NME9: variants seen among roughly 807,000 people sequenced by gnomAD.
NME9 encodes the protein thioredoxin domain-containing protein 6.
In NME9, 48 loss-of-function variants were observed where a neutral mutation model predicts 44.4. The observed-to-expected ratio is 1.08, with a 90% CI of 0.86 to 1.37. The LOEUF (loss-of-function observed/expected upper bound fraction) is 1.37, where lower values mean the gene tolerates loss of function less well. NME9 is among the 40% of genes most tolerant of loss of function. The pLI, the probability that NME9 is intolerant of heterozygous loss-of-function variation, is 0.00. For synonymous variants in NME9, 139 were observed against 147.1 expected, an observed-to-expected ratio of 0.94 and a Z score of 0.40; for missense variants, 325 against 405.2, an observed-to-expected ratio of 0.80 and a Z score of 1.70.
In NME9 at chr3:138,272,928, A is replaced by G. The variant is rs763221067; in HGVS notation, c.746-10342T>C. The G allele has an allele frequency of 1.7e-5, 25 of 1,429,908 alleles. 1 individual carries two copies. In the South Asian group the frequency reaches 4.0e-4, roughly 23 times the overall value. 88.6% of individuals were successfully genotyped at this position (1,429,908 alleles called of 1,614,324 possible). ...ATTAAAATATAATTTAATAAAGTAA[A>G]TGTAGACATGATTCTTGCAACTTCT... On this transcript the variant is annotated intron_variant, in intron 8 of 8. Transcript: ENST00000317876.
chr3:138,263,923 A>G, intron 8 of NME9: 1 of 1,168,156 alleles, frequency 8.6e-7, no homozygotes, highest in East Asian at 2.3e-5. Context: ...AATGTTCCTC[A>G]AAAATCTGCT....
downstream of NME9, among the ~76,000 whole-genome samples, chr3:138,299,266 T>C (rs1417061424): frequency 2.0e-5 from 3 of 152,144 alleles, no homozygotes; most frequent in Non-Finnish European, 4.4e-5. Context: ...CCACCTTTTC[T>C]CTATCTCTGC....
chr3:138,305,770 C>G (rs1476154295), intron 8 of NME9, among the ~76,000 whole-genome samples: 1 of 152,232 alleles, frequency 6.6e-6, no homozygotes. Context: ...TATGGACTTT[C>G]CTTCTAATAA....
intron 2 of NME9, among the ~76,000 whole-genome samples, chr3:138,321,798 G>A (rs2053480506): frequency 6.6e-6 from 1 of 151,910 alleles, no homozygotes; most frequent in South Asian, 2.1e-4. Flanking sequence ...TGAAGATGGT[G>A]TGAAAAGGAC....
chr3:138,329,514 C>A lies in NME9; in HGVS notation c.-179G>T, dbSNP rs1401608879. ...CTGGCGGCAAATCAGCACACTGATA[C>A]AAAGTGAACACCCCGCGAGGAAGCG... On this transcript the variant is annotated 5_prime_UTR_variant, in exon 1 of 11. Transcript: ENST00000333911. 4.3e-6 allele frequency: 6 copies of A among 1,401,674 alleles called. No individual in the cohort carries two copies. The highest frequency in any genetic ancestry group is 1.5e-5 in the African/African-American group (1 of 67,942). The allele number at this position is 1,401,674 out of a possible 1,614,324, so 86.8% of individuals were successfully genotyped here. A position where few individuals can be genotyped will look rare whatever the true frequency, so the allele number is the denominator to read the frequency against.
rs747921351 is a variant in NME9 at position 138,281,298 on chromosome 3, C to CT, written c.746-18713dup. 1.8e-3 allele frequency among the ~76,000 whole-genome samples: 260 copies of CT among 142,272 alleles called. 1 individual carries two copies. Among genetic ancestry groups the CT allele is most frequent in the East Asian group, 4.7e-3 (23 of 4,910 alleles). The allele number at this position is 142,272 out of a possible 152,430, so 93.3% of individuals were successfully genotyped here. A position where few individuals can be genotyped will look rare whatever the true frequency, so the allele number is the denominator to read the frequency against. On this transcript the variant is annotated intron_variant, in intron 8 of 8. Coordinates refer to the NME9 transcript ENST00000317876. ...TTGGCCCAATAATTGATTTCTTTTT[C>CT]TTTTTTTTTTTTTGATAGAGAGTCT... is the stretch of plus-strand genomic sequence containing the variant.
At chr3:138,311,937 C>CA (rs2052731139) in intron 6 of NME9, among the ~76,000 whole-genome samples, 1 of 152,116 alleles carries the variant, frequency 6.6e-6, no homozygotes, top group African/African-American at 2.4e-5. Flanking sequence ...AATCAACATA[C>CA]AAAAACCCGT....
At chr3:138,282,655 A>AG (rs1415095554) in intron 8 of NME9, among the ~76,000 whole-genome samples, 3 of 150,940 alleles carry the variant, frequency 2.0e-5, no homozygotes, top group Non-Finnish European at 4.4e-5. Flanking sequence ...AAAAAAAAAA[A>AG]GGAACACTCA....
chr3:138,291,536 C>G (rs748287601), intron 8 of NME9, among the ~76,000 whole-genome samples: 33 of 152,098 alleles, frequency 2.2e-4, no homozygotes, highest in Non-Finnish European at 4.3e-4. Flanking sequence ...TCTTTGCCCT[C>G]GTGTAACTTA....
rs1577053485 is a variant in NME9, at chr3:138,290,402, A to T, written c.745+13105T>A. 5 of 627,292 alleles carry T rather than the reference A, an allele frequency of 8.0e-6. No homozygotes were observed. The East Asian group carries it at 1.4e-4, about 18-fold the overall frequency. 38.9% of individuals were successfully genotyped at this position (627,292 alleles called of 1,614,324 possible). ...GAGAGTCCAAGCATGAGCGGGTCCA[A>T]CTACATTGGGAGAGGGTAGAGGACA... On this transcript the variant is annotated intron_variant, in intron 8 of 8. Coordinates refer to the NME9 transcript ENST00000317876.
intron 8 of NME9, among the ~76,000 whole-genome samples, chr3:138,291,424 C>T (rs1421203036): frequency 1.3e-5 from 2 of 152,246 alleles, no homozygotes; most frequent in Non-Finnish European, 2.9e-5. Flanking sequence ...CTCCTCTCCT[C>T]TGAGTCCCCA....
intron 8 of NME9, among the ~76,000 whole-genome samples, chr3:138,271,790 TTTTC>T (rs1007886198): frequency 1.3e-4 from 19 of 149,934 alleles, no homozygotes; most frequent in South Asian, 2.1e-4. Flanking sequence ...AAGATTTTTT[TTTTC>T]TTTCTTTTTT....
chr3:138,264,476 G>C (rs1424227195), intron 8 of NME9, among the ~76,000 whole-genome samples: 1 of 123,422 alleles, frequency 8.1e-6, no homozygotes, highest in Non-Finnish European at 1.6e-5. Context: ...CTGGAGTGCA[G>C]TGGCATGATC....
chr3:138,304,253 C>T (rs1049477284), intron 9 of NME9, among the ~76,000 whole-genome samples: 2 of 152,208 alleles, frequency 1.3e-5, no homozygotes, highest in African/African-American at 4.8e-5. Flanking sequence ...TCCTGGTCCC[C>T]TACACCTACA....
chr3:138,275,827 G>A (rs967069550), intron 8 of NME9, among the ~76,000 whole-genome samples: 1 of 152,068 alleles, frequency 6.6e-6, no homozygotes, highest in Non-Finnish European at 1.5e-5. Context: ...GATATTTTAC[G>A]TGATATCTCT....
chr3:138,324,691 GATACACAC>G (rs2053666305), intron 2 of NME9, 174 bp downstream of exon 2: 5 of 583,408 alleles, frequency 8.6e-6, no homozygotes, highest in Non-Finnish European at 9.2e-6. Context: ...ATTCAAGCCA[GATACACAC>G]ACACACACAC....
intron 8 of NME9, among the ~76,000 whole-genome samples, chr3:138,275,120 T>C (rs2049152069): frequency 6.6e-6 from 1 of 152,204 alleles, no homozygotes. Flanking sequence ...GGATTTATCA[T>C]GGGAGTTTTA....
At position 138,307,320 on chromosome 3, in the gene NME9, C is replaced by G. The variant is rs551509224; in HGVS notation, c.461-840G>C. Among the ~76,000 whole-genome samples, 2 of 152,294 alleles carry G rather than the reference C, an allele frequency of 1.3e-5. 1 individual carries two copies. Among genetic ancestry groups the G allele is most frequent in the South Asian group, 4.1e-4 (2 of 4,822 alleles). On this transcript the variant is annotated intron_variant, in intron 6 of 10. Coordinates refer to ENST00000333911, the MANE Select transcript of NME9 (RefSeq NM_001349018.2). Reference sequence around the variant, plus strand: ...AGTCCCACAGGAGCTGTAGGGAGGTCTGTGTCTAGTCCATGAGCCCATCTC... The same window carrying G: ...AGTCCCACAGGAGCTGTAGGGAGGTGTGTGTCTAGTCCATGAGCCCATCTC...
chr3:138,273,000 G>A lies in NME9; in HGVS notation c.746-10414C>T, dbSNP rs764780936. 3 of 1,605,248 alleles carry A rather than the reference G, an allele frequency of 1.9e-6. No individual in the cohort carries two copies. The Admixed American group carries it at 5.1e-5, about 27-fold the overall frequency. On this transcript the variant is annotated intron_variant, in intron 8 of 8. Transcript: ENST00000317876. ...ATTTCAGGCTGAACAAAAAATAAAA[G>A]CAGATATTTTACGAAGCTTGAGTAC... is the stretch of plus-strand genomic sequence containing the variant.
Sources: allele counts gnomAD v4.1 joint callset (sites outside exome capture counted in the v4.1 genomes callset), GRCh38; gene constraint gnomAD v4.1.1; transcripts MANE v1.5; gene names NCBI Gene and HGNC (gene_info 2026-07-23, HGNC 2026-07-21).